The following DRC3 variants were observed in gnomAD, a reference collection of about 807,000 sequenced individuals.
DRC3 encodes the protein dynein regulatory complex subunit 3.
In DRC3, 45 loss-of-function variants were observed where a neutral mutation model predicts 57.6. That is an observed-to-expected ratio of 0.78 (90% CI 0.62 to 1.00). DRC3 has a LOEUF of 1.00. Ranked by LOEUF, DRC3 falls within the 50% of genes least tolerant of loss-of-function variation. DRC3 has a pLI of 0.00. For missense variants in DRC3, 655 were observed against 675.2 expected (o/e 0.97, Z 0.33); for synonymous variants, 257 against 272.3 (o/e 0.94, Z 0.55).
intron 10 of DRC3, chr17:18,005,782 A>C (rs780978349): frequency 8.7e-5 from 18 of 206,690 alleles, no homozygotes; most frequent in Non-Finnish European, 1.8e-4. Flanking sequence ...AGCTGGGAAT[A>C]CTGACCCAGG....
At chr17:18,003,398 T>C (rs1185192848) in intron 9 of DRC3, among the ~76,000 whole-genome samples, 2 of 139,056 alleles carry the variant, frequency 1.4e-5, no homozygotes, top group Non-Finnish European at 1.5e-5. Context: ...AGGCAGAGAA[T>C]TGCTTGAACT....
At chr17:18,011,302 C>T (rs1338037512) in intron 12 of DRC3, 6 of 345,832 alleles carry the variant, frequency 1.7e-5, no homozygotes, top group Non-Finnish European at 2.2e-5. Flanking sequence ...GCAGACCTGC[C>T]CCAGCCAGCG....
rs1480946305 is a variant in DRC3, at chr17:17,997,551, AGT to A, written c.918_919del (p.Ser306ArgfsTer5). On this transcript the variant is annotated frameshift_variant, in exon 9 of 14. Transcript: ENST00000399187. LOFTEE classifies it high-confidence loss of function. ...GCGGAAAACAGAGCTTGACACCTTC[AGT>A]GAATGTGTCCGTGAGGCCATCCAGG... ...EKRKTELDTF[S>X]ECVREAIQEN... 5 of 1,611,054 alleles carry A rather than the reference AGT, an allele frequency of 3.1e-6. No individual in the cohort carries two copies.
chr17:17,984,705 C>T (rs1403132276), intron 4 of DRC3, among the ~76,000 whole-genome samples: 1 of 152,152 alleles, frequency 6.6e-6, no homozygotes, highest in Non-Finnish European at 1.5e-5. Flanking sequence ...CCCAAAGCTG[C>T]ACGACCAAGA....
intron 5 of DRC3, among the ~76,000 whole-genome samples, chr17:17,989,160 C>A (rs2043105833): frequency 1.3e-5 from 2 of 152,088 alleles, no homozygotes; most frequent in Non-Finnish European, 2.9e-5. Flanking sequence ...AATTTGCCAT[C>A]CAGCAGAAGG....
intron 6 of DRC3, 186 bp downstream of exon 6, chr17:17,993,097 C>CT (rs1253504455): frequency 3.1e-6 from 2 of 635,254 alleles, no homozygotes; most frequent in Non-Finnish European, 5.3e-6. Flanking sequence ...CTTGTAAGTA[C>CT]TGTTTTGTGT....
intron 8 of DRC3, 63 bp from the exon 9 acceptor site, chr17:17,997,397 C>T (rs998878737): frequency 1.3e-6 from 2 of 1,540,084 alleles, no homozygotes; most frequent in Non-Finnish European, 1.8e-6. Context: ...TTACCAACAC[C>T]TTGGCCGTGC....
chr17:17,982,959 G>A (rs780148909), intron 3 of DRC3, among the ~76,000 whole-genome samples: 12 of 152,228 alleles, frequency 7.9e-5, no homozygotes, highest in Non-Finnish European at 1.2e-4. Flanking sequence ...CAACAGAGCT[G>A]TACGTGGCTT....
intron 12 of DRC3, among the ~76,000 whole-genome samples, chr17:18,010,336 G>A (rs1228198118): frequency 6.6e-6 from 1 of 152,236 alleles, no homozygotes; most frequent in Non-Finnish European, 1.5e-5. Context: ...GCCACTAGCA[G>A]TGCGGTGGTC....
intron 2 of DRC3, among the ~76,000 whole-genome samples, chr17:17,975,546 T>C (rs569323605): frequency 3.3e-5 from 4 of 121,442 alleles, no homozygotes; most frequent in African/African-American, 1.3e-4. Context: ...CCAAACACTT[T>C]GCAGAAAACA....
intron 10 of DRC3, chr17:18,005,569 G>A (rs192005103): frequency 6.5e-6 from 1 of 152,756 alleles, no homozygotes; most frequent in Admixed American, 6.5e-5. Context: ...GCAACTAACT[G>A]AAAGAGATCT....
intron 3 of DRC3, chr17:17,981,511 C>A: frequency 6.5e-6 from 1 of 153,970 alleles, no homozygotes; most frequent in South Asian, 1.9e-4. Context: ...CATAGTTGCC[C>A]TGGCCGGCCC....
Position 18,008,305 on chromosome 17 carries a change from T to C in DRC3, c.1326+1158T>C, listed in dbSNP as rs2044053233. ...CAACTTCCAGAAAAACCACTGTCTC[T>C]GTATCACATGCCCCATTTATCAGGT... On this transcript the variant is annotated intron_variant, in intron 12 of 13. Transcript: ENST00000399187. The surrounding 1 kb of genome is among the most constrained non-coding windows in gnomAD (Gnocchi z 4.3). Among the ~76,000 whole-genome samples the C allele has an allele frequency of 6.6e-6, 1 of 152,242 alleles. No homozygotes were observed. The highest frequency in any genetic ancestry group is 6.5e-5 in the Admixed American group (1 of 15,278).
chr17:17,991,745 G>T (rs181003916), intron 5 of DRC3, among the ~76,000 whole-genome samples: 85 of 152,272 alleles, frequency 5.6e-4, no homozygotes, highest in Admixed American at 1.3e-3. Context: ...AAAGTTACTG[G>T]AATGTTCCCC....
At chr17:17,976,913 C>T (rs965041343) in intron 2 of DRC3, among the ~76,000 whole-genome samples, 1 of 152,146 alleles carries the variant, frequency 6.6e-6, no homozygotes, top group South Asian at 2.1e-4. Flanking sequence ...TCCTCCCCCT[C>T]TTGCTCTCTG....
In DRC3 at chr17:17,983,892, C is replaced by T. The variant is rs760706773; in HGVS notation, c.225C>T (p.Asn75=). ...ENLRKLQLDN[N]IIEKIEGLEN... ...TGAGGAAGCTGCAGCTGGACAATAA[C>T]ATCATTGAGAAGATCGAGGGCCTGG... The change falls in exon 4 of 14, where the codon AAC becomes AAT. Residue 75 remains asparagine, a synonymous_variant. Transcript: ENST00000399187. The T allele has an allele frequency of 1.9e-6, 3 of 1,613,630 alleles. No individual in the cohort carries two copies. The highest frequency in any genetic ancestry group is 1.7e-4 in the Middle Eastern group (1 of 6,054).
chr17:17,995,498 C>T, intron 8 of DRC3: 1 of 182,446 alleles, frequency 5.5e-6, no homozygotes, highest in Non-Finnish European at 1.1e-5. Flanking sequence ...CCATCATTAA[C>T]CCCATTTTAT....
intron 3 of DRC3, among the ~76,000 whole-genome samples, chr17:17,978,723 C>T (rs11655990): frequency 9.2e-5 from 14 of 152,152 alleles, no homozygotes; most frequent in East Asian, 1.9e-4. Context: ...GGGCCCTGAG[C>T]CACAGCCCCG....
chr17:18,009,771 A>G (rs964945592), intron 12 of DRC3, among the ~76,000 whole-genome samples: 1 of 152,208 alleles, frequency 6.6e-6, no homozygotes, highest in Non-Finnish European at 1.5e-5. Context: ...GCATATCTTG[A>G]TAAGTCACCC....
Sources: allele counts gnomAD v4.1 joint callset (sites outside exome capture counted in the v4.1 genomes callset), GRCh38; gene constraint gnomAD v4.1.1; non-coding constraint Gnocchi (gnomAD v3.1); transcripts MANE v1.5; gene names NCBI Gene and HGNC (gene_info 2026-07-23, HGNC 2026-07-21).